The following AHCYL2 variants were observed in gnomAD, a reference collection of about 807,000 sequenced individuals.
AHCYL2 encodes the protein S-adenosylhomocysteine hydrolase-like protein 2.
AHCYL2 carries 28 observed loss-of-function variants against 81.4 expected under a neutral mutation model. The ratio of observed to expected loss-of-function variants is 0.34; its 90% CI spans 0.25 to 0.47. AHCYL2 has a LOEUF of 0.47. Ranked by LOEUF, AHCYL2 falls within the 20% of genes least tolerant of loss-of-function variation. The pLI is 1.00. For synonymous variants in AHCYL2, 272 were observed against 290.2 expected, an observed-to-expected ratio of 0.94 and a Z score of 0.64; for missense variants, 551 against 785.1, an observed-to-expected ratio of 0.70 and a Z score of 3.56.
intron 1 of AHCYL2, among the ~76,000 whole-genome samples, chr7:129,357,118 A>G (rs556680325): frequency 3.9e-4 from 60 of 152,334 alleles, no homozygotes; most frequent in African/African-American, 1.4e-3. Context: ...AAAGACAAGG[A>G]AAGACTGAGA....
chr7:129,296,586 C>T (rs1011551824), intron 1 of AHCYL2, among the ~76,000 whole-genome samples: 9 of 152,102 alleles, frequency 5.9e-5, no homozygotes, highest in African/African-American at 1.7e-4. Flanking sequence ...TAACACATGC[C>T]TGTAGTCCAG....
chr7:129,232,259 A>G (rs1016516253), intron 1 of AHCYL2, among the ~76,000 whole-genome samples: 1 of 152,220 alleles, frequency 6.6e-6, no homozygotes, highest in African/African-American at 2.4e-5. Flanking sequence ...TCTCTGTCTT[A>G]GTATTTAATC....
At position 129,406,501 on chromosome 7, in the gene AHCYL2, C is replaced by T. The variant is rs763148145; in HGVS notation, c.1295+35C>T. 3.8e-5 allele frequency: 61 copies of T among 1,598,240 alleles called. No individual in the cohort carries two copies. The highest frequency in any genetic ancestry group is 4.6e-5 in the Non-Finnish European group (54 of 1,165,862). ...TACGCTACCATCTCACTTGCAATCT[C>T]GGAGCTGTCTCCAAAGAATGGCCTG... is the stretch of plus-strand genomic sequence containing the variant. On this transcript the variant is annotated intron_variant, in intron 10 of 16. Transcript: ENST00000325006. This position sits in a 1 kb window ranked among gnomAD's most constrained non-coding sequence, Gnocchi z 4.3.
In AHCYL2 at chr7:129,225,113, A is replaced by G. The variant is rs1282426562; in HGVS notation, c.37A>G (p.Lys13Glu). ...GGTTGTGTCAGCCGCGGCTGCCGCC[A>G]AGGTGCCTGAGGTGGAGCTGAAGGA... ...VQVVSAAAAA[K>E]VPEVELKDLS... is the part of the protein sequence containing the mutation. Residue 13 changes from lysine (K) to glutamate (E), a missense_variant, in exon 1 of 17, where the codon AAG becomes GAG. Physicochemically the swap from Lys to Glu is moderately conservative, Grantham distance 56. Coordinates refer to ENST00000325006, the MANE Select transcript of AHCYL2 (RefSeq NM_015328.4). The G allele has an allele frequency of 1.2e-6, 2 of 1,601,210 alleles. No homozygotes were observed. Among genetic ancestry groups the G allele is most frequent in the Non-Finnish European group, 1.7e-6 (2 of 1,175,116 alleles).
In AHCYL2 at chr7:129,368,619, G is replaced by T; in HGVS notation, c.364-11019G>T. On this transcript the variant is annotated intron_variant, in intron 1 of 16. Transcript: ENST00000325006. The surrounding 1 kb of genome is among the most constrained non-coding windows in gnomAD (Gnocchi z 4.4). The stretch of plus-strand genomic sequence containing the variant: ...AATGAGAGGCAACCATTTCTGACGG[G>T]TGACAAGGATCACCTCTGAGAAGCT... 1 of 1,578,522 alleles carries T rather than the reference G, an allele frequency of 6.3e-7. No homozygotes were observed. The highest frequency in any genetic ancestry group is 8.7e-7 in the Non-Finnish European group (1 of 1,147,780).
chr7:129,425,592 G>A (rs1797326908), intron 15 of AHCYL2, among the ~76,000 whole-genome samples: 1 of 152,208 alleles, frequency 6.6e-6, no homozygotes, highest in African/African-American at 2.4e-5. Context: ...CAGGCCAAAG[G>A]AGAGATGTGG....
At chr7:129,285,453 G>T (rs1796594042) in intron 1 of AHCYL2, among the ~76,000 whole-genome samples, 1 of 152,096 alleles carries the variant, frequency 6.6e-6, no homozygotes, top group Non-Finnish European at 1.5e-5. Flanking sequence ...CCCAGACCAG[G>T]AAGGATTGTT....
intron 1 of AHCYL2, among the ~76,000 whole-genome samples, chr7:129,273,606 G>A (rs1476538710): frequency 6.6e-6 from 1 of 152,086 alleles, no homozygotes; most frequent in Non-Finnish European, 1.5e-5. Flanking sequence ...GGGATTATAG[G>A]CATGAGCCAC....
intron 1 of AHCYL2, among the ~76,000 whole-genome samples, chr7:129,352,038 G>A (rs927353536): frequency 5.7e-4 from 26 of 45,876 alleles, no homozygotes; most frequent in African/African-American, 1.3e-3. Flanking sequence ...CAATCCTGGA[G>A]TATAATTTTT....
At chr7:129,369,950 G>A (rs1437035961) in intron 1 of AHCYL2, among the ~76,000 whole-genome samples, 1 of 152,130 alleles carries the variant, frequency 6.6e-6, no homozygotes, top group Non-Finnish European at 1.5e-5. Context: ...AAGGATTTAT[G>A]TAATACTTCT....
chr7:129,290,695 C>G (rs918437061), intron 1 of AHCYL2, among the ~76,000 whole-genome samples: 2 of 152,008 alleles, frequency 1.3e-5, no homozygotes, highest in Non-Finnish European at 2.9e-5. Context: ...CTTTGGGAGG[C>G]TGAGGCAGGT....
At chr7:129,264,493 G>A (rs2402946) in intron 1 of AHCYL2, among the ~76,000 whole-genome samples, 142,964 of 152,270 alleles carry the variant, frequency 0.94, 67,747 homozygotes, top group East Asian at 1. Context: ...AGGAAAGGAA[G>A]AAAGGAGATG....
intron 12 of AHCYL2, among the ~76,000 whole-genome samples, chr7:129,417,894 GATTGTT>G (rs1169750864): frequency 1.3e-5 from 2 of 152,190 alleles, no homozygotes; most frequent in African/African-American, 2.4e-5. Context: ...TAAAGAAATA[GATTGTT>G]ATTGTTAGTG....
At chr7:129,279,563 T>C (rs1796354540) in intron 1 of AHCYL2, among the ~76,000 whole-genome samples, 1 of 152,236 alleles carries the variant, frequency 6.6e-6, no homozygotes, top group South Asian at 2.1e-4. Context: ...CAAGAAAGAA[T>C]TTGTGGTGAG....
chr7:129,421,454 G>A (rs1330705967), intron 12 of AHCYL2, among the ~76,000 whole-genome samples: 1 of 151,984 alleles, frequency 6.6e-6, no homozygotes, highest in African/African-American at 2.4e-5. Flanking sequence ...AACATTCTTG[G>A]GCACTTATAT....
chr7:129,413,527 C>T (rs1389234536), intron 11 of AHCYL2, 67 bp from the exon 12 acceptor site: 1 of 1,215,614 alleles, frequency 8.2e-7, no homozygotes, highest in Non-Finnish European at 1.2e-6. Flanking sequence ...ATGATTTGCA[C>T]ATTTATTTTC....
chr7:129,348,401 C>A (rs972396015), intron 1 of AHCYL2, among the ~76,000 whole-genome samples: 5 of 150,250 alleles, frequency 3.3e-5, no homozygotes, highest in Admixed American at 1.3e-4. Context: ...TAACCCCCCC[C>A]CCACACACAC....
chr7:129,272,664 C>T (rs1796060652), intron 1 of AHCYL2, among the ~76,000 whole-genome samples: 1 of 152,150 alleles, frequency 6.6e-6, no homozygotes, highest in Admixed American at 6.5e-5. Context: ...TTACATAGAC[C>T]ATAGAAAATG....
At chr7:129,252,081 C>A (rs1795266741) in intron 1 of AHCYL2, among the ~76,000 whole-genome samples, 1 of 152,200 alleles carries the variant, frequency 6.6e-6, no homozygotes, top group African/African-American at 2.4e-5. Context: ...GAGCTGAGCC[C>A]CAGTCATGAA....
Sources: allele counts gnomAD v4.1 joint callset (sites outside exome capture counted in the v4.1 genomes callset), GRCh38; gene constraint gnomAD v4.1.1; non-coding constraint Gnocchi (gnomAD v3.1); transcripts MANE v1.5; gene names NCBI Gene and HGNC (gene_info 2026-07-23, HGNC 2026-07-21).